Variants in OR1J2 observed in about 807,000 individuals in gnomAD.
The protein encoded by OR1J2 is olfactory receptor family 1 subfamily J member 2.
For missense variants in OR1J2, 304 were observed against 246.1 expected (o/e 1.24, Z -1.57); for synonymous variants, 142 against 99.7 (o/e 1.42, Z -2.52).
chr9:122,500,093 A>G, the OR1J2 span, among the ~76,000 whole-genome samples: 1 of 152,216 alleles, frequency 6.6e-6, no homozygotes, highest in Non-Finnish European at 1.5e-5. Context: ...GCCTTAGACT[A>G]AAATGCTTGC....
At chr9:122,495,436 C>A in the OR1J2 span, among the ~76,000 whole-genome samples, 1 of 152,022 alleles carries the variant, frequency 6.6e-6, no homozygotes, top group Non-Finnish European at 1.5e-5. Context: ...AAAGCCTTGT[C>A]TTTGAGCCCT....
At chr9:122,485,150 A>T in the OR1J2 span, among the ~76,000 whole-genome samples, 7,008 of 152,224 alleles carry the variant, frequency 0.046, 170 homozygotes, top group Middle Eastern at 0.11. Context: ...AAGAGTGTAA[A>T]CATGAGCCAA....
chr9:122,533,781 T>C, the OR1J2 span, among the ~76,000 whole-genome samples: 1 of 151,692 alleles, frequency 6.6e-6, no homozygotes, highest in Non-Finnish European at 1.5e-5. Flanking sequence ...TAATGTGGAG[T>C]GGGTAGCCTC....
downstream of OR1J2, among the ~76,000 whole-genome samples, chr9:122,516,390 G>A (rs982614589): frequency 1.6e-4 from 22 of 136,152 alleles, no homozygotes; most frequent in African/African-American, 5.6e-4. Context: ...TGCAAGCTCC[G>A]CCTCCCGGGT....
At chr9:122,578,524 A>G in the OR1J2 span, 1 of 151,898 alleles carries the variant, frequency 6.6e-6, no homozygotes, top group Non-Finnish European at 1.5e-5. Context: ...ACCACAATTC[A>G]CAATTGCAAA....
chr9:122,551,144 C>T, the OR1J2 span, among the ~76,000 whole-genome samples: 1 of 152,244 alleles, frequency 6.6e-6, no homozygotes, highest in Admixed American at 6.5e-5. Context: ...ATCAAGACCT[C>T]AATCCCATTT....
At chr9:122,472,805 C>T in the OR1J2 span, among the ~76,000 whole-genome samples, 1,516 of 152,250 alleles carry the variant, frequency 1.0e-2, 7 homozygotes, top group Middle Eastern at 0.054. Flanking sequence ...GGCCCATTTC[C>T]AGTCCTGTTA....
At chr9:122,503,954 C>G in the OR1J2 span, among the ~76,000 whole-genome samples, 4 of 152,156 alleles carry the variant, frequency 2.6e-5, no homozygotes, top group African/African-American at 9.7e-5. Flanking sequence ...ATGAACCAAG[C>G]CCAGGACTTT....
chr9:122,493,297 G>T, the OR1J2 span, among the ~76,000 whole-genome samples: 1 of 152,062 alleles, frequency 6.6e-6, no homozygotes, highest in Non-Finnish European at 1.5e-5. Flanking sequence ...TTCTTTGAAT[G>T]TCTGATAGAG....
At chr9:122,563,321 T>C in the OR1J2 span, among the ~76,000 whole-genome samples, 5 of 152,224 alleles carry the variant, frequency 3.3e-5, no homozygotes, top group African/African-American at 1.2e-4. Context: ...TTATTGTATA[T>C]TTCATTGTGA....
the OR1J2 span, among the ~76,000 whole-genome samples, chr9:122,466,175 C>G: frequency 6.6e-6 from 1 of 152,084 alleles, no homozygotes; most frequent in Admixed American, 6.6e-5. Flanking sequence ...GGCAAGAATA[C>G]CCCAAAAGAC....
the OR1J2 span, among the ~76,000 whole-genome samples, chr9:122,524,623 C>G: frequency 6.6e-6 from 1 of 152,066 alleles, no homozygotes; most frequent in Non-Finnish European, 1.5e-5. Context: ...TAAACCATAC[C>G]CAAACAGGAT....
chr9:122,495,552 A>G, the OR1J2 span, among the ~76,000 whole-genome samples: 198 of 151,932 alleles, frequency 1.3e-3, 1 homozygote, highest in African/African-American at 4.7e-3. Flanking sequence ...TTTAAAATGT[A>G]TGCCATCTAT....
chr9:122,570,630 C>T, the OR1J2 span, among the ~76,000 whole-genome samples: 3 of 152,116 alleles, frequency 2.0e-5, no homozygotes, highest in Admixed American at 2.0e-4. Context: ...ACAAGCTGTT[C>T]CCCAGCCACC....
the OR1J2 span, among the ~76,000 whole-genome samples, chr9:122,450,193 G>A: frequency 1.3e-5 from 2 of 152,242 alleles, no homozygotes; most frequent in Non-Finnish European, 1.5e-5. Context: ...CAATTTGGGA[G>A]GCTGAGATGG....
chr9:122,579,596 A>G, the OR1J2 span, among the ~76,000 whole-genome samples: 1 of 152,170 alleles, frequency 6.6e-6, no homozygotes, highest in African/African-American at 2.4e-5. Flanking sequence ...TCAAAAAGAG[A>G]ATTCTTCCTT....
chr9:122,471,135 T>C, the OR1J2 span, among the ~76,000 whole-genome samples: 6 of 152,130 alleles, frequency 3.9e-5, no homozygotes, highest in Non-Finnish European at 7.4e-5. Flanking sequence ...AGGGGTGGAA[T>C]GATATGGTTT....
downstream of OR1J2, among the ~76,000 whole-genome samples, chr9:122,515,234 G>T (rs1228968196): frequency 6.6e-6 from 1 of 152,080 alleles, no homozygotes; most frequent in African/African-American, 2.4e-5. Context: ...ACAGAATTCG[G>T]AGGCTAACTC....
the OR1J2 span, among the ~76,000 whole-genome samples, chr9:122,499,023 C>G: frequency 6.6e-6 from 1 of 152,198 alleles, no homozygotes; most frequent in Non-Finnish European, 1.5e-5. Flanking sequence ...AAGGTTGGGT[C>G]TGTACTTAAT....
Sources: gnomAD v4.1 joint callset for allele counts (sites outside exome capture counted in the v4.1 genomes callset) on GRCh38, gnomAD v4.1.1 for gene constraint, MANE v1.5 for transcripts, NCBI Gene and HGNC (gene_info 2026-07-23, HGNC 2026-07-21) for gene names.